The following APAF1 variants were observed in gnomAD, a reference collection of about 807,000 sequenced individuals.
APAF1 encodes the protein apoptotic protease-activating factor 1.
Under a neutral mutation model 152.4 loss-of-function variants are expected in APAF1, and 91 were observed. That is an observed-to-expected ratio of 0.60 (90% CI 0.50 to 0.71). The LOEUF (loss-of-function observed/expected upper bound fraction) is 0.71. Ranked by LOEUF, APAF1 falls within the 30% of genes least tolerant of loss-of-function variation. The pLI, the probability that APAF1 is intolerant of heterozygous loss-of-function variation, is 0.00. For synonymous variants in APAF1, 484 were observed against 494.1 expected, an observed-to-expected ratio of 0.98 and a Z score of 0.27; for missense variants, 1,283 against 1,472.0, an observed-to-expected ratio of 0.87 and a Z score of 2.10.
intron 16 of APAF1, among the ~76,000 whole-genome samples, chr12:98,697,495 A>G (rs2097711186): frequency 6.6e-6 from 1 of 152,216 alleles, no homozygotes; most frequent in Non-Finnish European, 1.5e-5. Flanking sequence ...AAGTCAAACT[A>G]AGACTTCTTC....
chr12:98,651,773 C>T (rs994558115), intron 4 of APAF1, among the ~76,000 whole-genome samples: 1 of 152,102 alleles, frequency 6.6e-6, no homozygotes, highest in Non-Finnish European at 1.5e-5. Context: ...GATCCTCCCA[C>T]CTTAGCCTCC....
chr12:98,658,122 G>A (rs1481176377), intron 4 of APAF1, among the ~76,000 whole-genome samples: 2 of 151,980 alleles, frequency 1.3e-5, no homozygotes, highest in African/African-American at 4.8e-5. Context: ...TATGATTGAT[G>A]CTACTGGAAT....
chr12:98,704,291 T>C (rs990077303), intron 18 of APAF1, among the ~76,000 whole-genome samples: 2 of 152,184 alleles, frequency 1.3e-5, no homozygotes, highest in African/African-American at 2.4e-5. Context: ...TTTCCAGGCT[T>C]TCTTAGTCTT....
intron 25 of APAF1, chr12:98,726,857 C>G (rs2097751331): frequency 3.5e-6 from 1 of 289,578 alleles, no homozygotes; most frequent in Admixed American, 4.9e-5. Context: ...TGAACTGTTT[C>G]TAATGAGTTT....
At chr12:98,653,825 T>C (rs2097652980) in intron 4 of APAF1, among the ~76,000 whole-genome samples, 1 of 150,164 alleles carries the variant, frequency 6.7e-6, no homozygotes, top group Non-Finnish European at 1.5e-5. Context: ...TAGTAAAGAA[T>C]TGACGTATCT....
At chr12:98,725,313 T>A (rs2097748853) in intron 24 of APAF1, 102 bp from the exon 25 acceptor site, 2 of 1,459,322 alleles carry the variant, frequency 1.4e-6, no homozygotes, top group Non-Finnish European at 1.9e-6. Flanking sequence ...TTGCCAGATA[T>A]TAGAATGTCC....
rs779479872 is a variant in APAF1, at chr12:98,677,560, C to T, written c.1920+9C>T. ...CTGATAAAACCTTACAGGTAAAACA[C>T]ATCTCTTGAGAAAAATGCAAAGAGG... is the stretch of plus-strand genomic sequence containing the variant. On this transcript the variant is annotated intron_variant, in intron 13 of 26. Coordinates refer to ENST00000551964, the MANE Select transcript of APAF1 (RefSeq NM_181861.2). 4.3e-6 allele frequency: 7 copies of T among 1,614,058 alleles called. No individual in the cohort carries two copies. Among genetic ancestry groups the T allele is most frequent in the Non-Finnish European group, 5.9e-6 (7 of 1,179,978 alleles).
intron 10 of APAF1, among the ~76,000 whole-genome samples, chr12:98,668,307 T>C (rs955015451): frequency 1.2e-4 from 18 of 152,332 alleles, no homozygotes; most frequent in Admixed American, 1.2e-3. Context: ...ATTAATCCTC[T>C]TCTTACTAGT....
At position 98,727,249 on chromosome 12, in the gene APAF1, G is replaced by A. The variant is rs776005626; in HGVS notation, c.3533G>A (p.Gly1178Asp). 2.5e-6 allele frequency: 4 copies of A among 1,614,052 alleles called. No homozygotes were observed. In the South Asian group the frequency reaches 4.4e-5, roughly 18 times the overall value. ...GAAGAAGGAGCTGCTACCCATGGAG[G>A]CTGGGTGACTGACCTTTGCTTTTCT... ...LSEEGAATHG[G>D]WVTDLCFSPD... The change falls in exon 26 of 27, where the codon GGC becomes GAC. Residue 1178 changes from glycine to aspartate, a missense_variant. By Grantham distance (94) the Gly-to-Asp change is moderately conservative. Transcript: ENST00000551964.
intron 18 of APAF1, 134 bp from the exon 19 acceptor site, chr12:98,706,351 T>G (rs2097721382): frequency 2.3e-6 from 2 of 863,436 alleles, no homozygotes; most frequent in Admixed American, 3.5e-5. Flanking sequence ...AGACATTTTG[T>G]AGTTTTGATA....
intron 4 of APAF1, among the ~76,000 whole-genome samples, chr12:98,653,719 T>TAGATAG (rs1555213974): frequency 9.2e-6 from 1 of 108,226 alleles, no homozygotes; most frequent in African/African-American, 3.8e-5. Context: ...TATATATATA[T>TAGATAG]ATATAGTTTT....
intron 7 of APAF1, among the ~76,000 whole-genome samples, chr12:98,663,175 A>T (rs1405154149): frequency 6.6e-6 from 1 of 152,068 alleles, no homozygotes; most frequent in Non-Finnish European, 1.5e-5. Context: ...TGGTGTCTTA[A>T]TTTGCATTTT....
chr12:98,665,512 T>C, intron 7 of APAF1, 41 bp from the exon 8 acceptor site: 1 of 1,323,784 alleles, frequency 7.6e-7, no homozygotes, highest in South Asian at 1.2e-5. Flanking sequence ...AGTGACAAAA[T>C]AGGATGGTAT....
intron 15 of APAF1, among the ~76,000 whole-genome samples, chr12:98,684,590 A>G (rs1175491910): frequency 7.8e-6 from 1 of 128,874 alleles, no homozygotes; most frequent in Admixed American, 1.0e-4. Flanking sequence ...ATTTATGTTT[A>G]TAGAATCCCA....
intron 23 of APAF1, 143 bp downstream of exon 23, chr12:98,723,455 G>A: frequency 9.6e-7 from 1 of 1,046,590 alleles, no homozygotes; most frequent in Non-Finnish European, 1.4e-6. Context: ...GTTAATTGCA[G>A]TCACCTACAT....
chr12:98,725,577 T>C lies in APAF1; in HGVS notation c.3456+37T>C, dbSNP rs11109583. The C allele has an allele frequency of 8.4e-3, 13,557 of 1,613,610 alleles. 866 individuals are homozygous for C. The African/African-American group carries it at 0.15, about 18-fold the overall frequency. On this transcript the variant is annotated intron_variant, in intron 25 of 26. Transcript: ENST00000551964. ...GCTGACATGAGAGCACTGCTCTTCTTGTAGCTTGGGCTAGCACTGTTCACA... is the reference window on the plus strand; with the variant it reads ...GCTGACATGAGAGCACTGCTCTTCTCGTAGCTTGGGCTAGCACTGTTCACA...
intron 26 of APAF1, among the ~76,000 whole-genome samples, chr12:98,730,366 C>T (rs186637838): frequency 6.6e-6 from 1 of 152,224 alleles, no homozygotes; most frequent in Non-Finnish European, 1.5e-5. Context: ...ACAAATTTAA[C>T]TGCTCAGCTT....
chr12:98,652,464 A>G (rs370736160), intron 4 of APAF1, among the ~76,000 whole-genome samples: 31 of 152,192 alleles, frequency 2.0e-4, no homozygotes, highest in African/African-American at 7.2e-4. Flanking sequence ...ACATTTCTTC[A>G]TAAGCTTGTT....
Position 98,734,157 on chromosome 12 carries a change from T to A in APAF1, c.*1591T>A, listed in dbSNP as rs2097765817. On this transcript the variant is annotated 3_prime_UTR_variant, in exon 27 of 27. Coordinates refer to ENST00000551964, the MANE Select transcript of APAF1 (RefSeq NM_181861.2). ...CTCTGGTTTTCTGTGTAATTCCAGATGAGTCACTGTAACTCTAGAAGATTA... is the reference window on the plus strand; with the variant it reads ...CTCTGGTTTTCTGTGTAATTCCAGAAGAGTCACTGTAACTCTAGAAGATTA... 6.6e-6 allele frequency: 1 copy of A among 152,362 alleles called. No homozygotes were observed. The highest frequency in any genetic ancestry group is 1.5e-5 in the Non-Finnish European group (1 of 68,040). The allele number at this position is 152,362 out of a possible 1,614,324, so 9.4% of individuals were successfully genotyped here. A position where few individuals can be genotyped will look rare whatever the true frequency, so the allele number is the denominator to read the frequency against.
Sources: gnomAD v4.1 joint callset for allele counts (sites outside exome capture counted in the v4.1 genomes callset) on GRCh38, gnomAD v4.1.1 for gene constraint, MANE v1.5 for transcripts, NCBI Gene and HGNC (gene_info 2026-07-23, HGNC 2026-07-21) for gene names.